Variants in RPS6KA5 observed in about 807,000 individuals in gnomAD.
The protein encoded by RPS6KA5 is ribosomal protein S6 kinase A5, also known as ribosomal protein S6 kinase alpha-5.
In RPS6KA5, 27 loss-of-function variants were observed where a neutral mutation model predicts 85.5. That is an observed-to-expected ratio of 0.32 (90% CI 0.23 to 0.44). The LOEUF (loss-of-function observed/expected upper bound fraction) is 0.44, where lower values mean the gene tolerates loss of function less well. Among genes scored for constraint, RPS6KA5 ranks in the 20% least tolerant of loss-of-function variants. The probability of loss-of-function intolerance (pLI) is 1.00; values close to 1 mark genes in which losing one functional copy is unlikely to be tolerated. For synonymous variants in RPS6KA5, 334 were observed against 348.2 expected (o/e 0.96, Z 0.46); for missense variants, 811 against 980.9 (o/e 0.83, Z 2.31).
rs370910101 is a variant in RPS6KA5, at chr14:91,048,373, C to T, written c.103+11959G>A. Among the ~76,000 whole-genome samples, 43 of 152,222 alleles carry T rather than the reference C, an allele frequency of 2.8e-4. No homozygotes were observed. The South Asian group carries it at 8.7e-3, about 31-fold the overall frequency. ...CACACTGACTATATAAAAAGAAGCA[C>T]ACCTACACAAAAACTTGAGTGTGAA... On this transcript the variant is annotated intron_variant, in intron 1 of 16. Coordinates refer to ENST00000614987, the MANE Select transcript of RPS6KA5 (RefSeq NM_004755.4).
intron 2 of RPS6KA5, among the ~76,000 whole-genome samples, chr14:90,998,829 T>C (rs1449835295): frequency 6.6e-6 from 1 of 152,162 alleles, no homozygotes; most frequent in Non-Finnish European, 1.5e-5. Flanking sequence ...TGGGCCTATA[T>C]GGCATGCTAA....
intron 14 of RPS6KA5, among the ~76,000 whole-genome samples, chr14:90,890,186 T>C (rs1162730122): frequency 6.6e-6 from 1 of 152,230 alleles, no homozygotes; most frequent in African/African-American, 2.4e-5. Flanking sequence ...TATTTTCACA[T>C]TATGTCCAAT....
intron 1 of RPS6KA5, among the ~76,000 whole-genome samples, chr14:91,033,116 G>A (rs1485952114): frequency 6.6e-6 from 1 of 151,808 alleles, no homozygotes; most frequent in Non-Finnish European, 1.5e-5. Flanking sequence ...GAACCTGGGA[G>A]GTGGAGCTTG....
chr14:90,936,179 T>A (rs1021487018), intron 5 of RPS6KA5, among the ~76,000 whole-genome samples: 1 of 152,218 alleles, frequency 6.6e-6, no homozygotes, highest in Non-Finnish European at 1.5e-5. Flanking sequence ...ACAGTAAAAG[T>A]AGCAAATTTT....
intron 5 of RPS6KA5, among the ~76,000 whole-genome samples, chr14:90,934,136 A>T (rs1283971054): frequency 6.6e-6 from 1 of 152,220 alleles, no homozygotes; most frequent in Non-Finnish European, 1.5e-5. Flanking sequence ...CTCCCCGTGT[A>T]AAGGAAGAAT....
intron 3 of RPS6KA5, among the ~76,000 whole-genome samples, chr14:90,975,110 C>T (rs1201406505): frequency 6.6e-6 from 1 of 151,794 alleles, no homozygotes; most frequent in East Asian, 1.9e-4. Context: ...TTTTTATTTT[C>T]TTATTTTTGC....
In RPS6KA5 at chr14:90,861,014, C is replaced by T. The variant is rs149990191; in HGVS notation, c.*11060G>A. ...TCAAGCGTTTCTCCTGCCTCAGCCTCCCAAGTAGCTAGGATTACAGGCATG... is the reference window on the plus strand; with the variant it reads ...TCAAGCGTTTCTCCTGCCTCAGCCTTCCAAGTAGCTAGGATTACAGGCATG... On this transcript the variant is annotated 3_prime_UTR_variant, in exon 17 of 17. Transcript: ENST00000614987. 0.024 allele frequency: 3,694 copies of T among 151,272 alleles called. 75 individuals carry two copies. Among genetic ancestry groups the T allele is most frequent in the Non-Finnish European group, 0.038 (2,614 of 67,920 alleles). The allele number at this position is 151,272 out of a possible 1,614,324, so 9.4% of individuals were successfully genotyped here.
At position 91,013,762 on chromosome 14, in the gene RPS6KA5, T is replaced by G. The variant is rs77444725; in HGVS notation, c.104-12603A>C. Among the ~76,000 whole-genome samples the G allele has an allele frequency of 3.7e-3, 570 of 152,284 alleles. 38 individuals carry two copies. The East Asian group carries it at 0.094, about 25-fold the overall frequency. ...AGAAAGACCAGCAGCAGCAGCAGCG[T>G]GGAAAACAAACTAGAAAGGAATTGA... On this transcript the variant is annotated intron_variant, in intron 1 of 16. Transcript: ENST00000614987.
chr14:90,850,360 C>T lies in RPS6KA5; in HGVS notation c.*21714G>A, dbSNP rs1305476551. ...ACATCCTTTCCCTTCTTGCTCCCTC[C>T]CATAAATACTAAATGGAAGAAGACA... On this transcript the variant is annotated 3_prime_UTR_variant, in exon 17 of 17. Transcript: ENST00000614987. The T allele has an allele frequency of 6.6e-6, 1 of 151,704 alleles. No homozygotes were observed. Among genetic ancestry groups the T allele is most frequent in the Non-Finnish European group, 1.5e-5 (1 of 67,976 alleles). The allele number at this position is 151,704 out of a possible 1,614,324, so 9.4% of individuals were successfully genotyped here.
chr14:90,993,417 G>T (rs1196386207), intron 2 of RPS6KA5, among the ~76,000 whole-genome samples: 4 of 152,120 alleles, frequency 2.6e-5, no homozygotes, highest in African/African-American at 9.7e-5. Context: ...TCCAGCCTGG[G>T]TGACAGAGCA....
chr14:90,996,908 G>A (rs1399690528), intron 2 of RPS6KA5, among the ~76,000 whole-genome samples: 2 of 152,078 alleles, frequency 1.3e-5, no homozygotes, highest in Admixed American at 6.5e-5. Context: ...AACCCACTAA[G>A]AAAATTTGTT....
chr14:91,008,980 T>C (rs2041145460), intron 1 of RPS6KA5, among the ~76,000 whole-genome samples: 1 of 152,240 alleles, frequency 6.6e-6, no homozygotes, highest in Admixed American at 6.5e-5. Flanking sequence ...AGAATCACTG[T>C]AATGCTCAGT....
chr14:90,872,255 C>A lies in RPS6KA5; in HGVS notation c.2228G>T (p.Arg743Ile). The A allele has an allele frequency of 1.9e-6, 3 of 1,613,992 alleles. No individual in the cohort carries two copies. The highest frequency in any genetic ancestry group is 2.5e-6 in the Non-Finnish European group (3 of 1,179,996). Reference sequence around the variant, plus strand: ...GGTGCTAGTCTTTTTCATTTTTCTTCTCTTAGCCAAAGGGGCCTTATCAAC... The same window carrying A: ...GGTGCTAGTCTTTTTCATTTTTCTTATCTTAGCCAAAGGGGCCTTATCAAC... ...QNVDKAPLAK[R>I]RKMKKTSTST... Residue 743 changes from arginine to isoleucine, a missense_variant, in exon 17 of 17, where the codon AGA becomes ATA. By Grantham distance (97) the Arg-to-Ile change is moderately conservative. Transcript: ENST00000614987.
intron 3 of RPS6KA5, among the ~76,000 whole-genome samples, chr14:90,970,553 C>A (rs188644622): frequency 2.0e-5 from 3 of 152,182 alleles, no homozygotes; most frequent in Non-Finnish European, 4.4e-5. Context: ...CTTGTGAATT[C>A]TGATTAATGT....
rs561444904 is a variant in RPS6KA5, at chr14:90,863,900, T to C, written c.*8174A>G. The stretch of plus-strand genomic sequence containing the variant: ...TAACAAGGTGATTCTAAAATGTATA[T>C]GGAAATGCAAAGGATTAAGAATAGC... On this transcript the variant is annotated 3_prime_UTR_variant, in exon 17 of 17. Transcript: ENST00000614987. 1 of 152,202 alleles carries C rather than the reference T, an allele frequency of 6.6e-6. No homozygotes were observed. Among genetic ancestry groups the C allele is most frequent in the Non-Finnish European group, 1.5e-5 (1 of 68,034 alleles). The allele number at this position is 152,202 out of a possible 1,614,324, so 9.4% of individuals were successfully genotyped here.
intron 13 of RPS6KA5, 38 bp downstream of exon 13, chr14:90,894,375 C>G (rs971297306): frequency 1.3e-6 from 2 of 1,596,440 alleles, no homozygotes; most frequent in African/African-American, 2.7e-5. Flanking sequence ...AATAATGGTG[C>G]TAGACTGAAT....
chr14:90,883,825 G>A (rs1046764862), intron 14 of RPS6KA5, among the ~76,000 whole-genome samples: 1 of 152,066 alleles, frequency 6.6e-6, no homozygotes, highest in Non-Finnish European at 1.5e-5. Flanking sequence ...TTTTTTGATT[G>A]TTATAGGCTG....
chr14:90,957,629 TA>T (rs1555368255), intron 3 of RPS6KA5, among the ~76,000 whole-genome samples: 1 of 152,190 alleles, frequency 6.6e-6, no homozygotes, highest in Non-Finnish European at 1.5e-5. Context: ...CTCTGGAGCA[TA>T]AATTACTCCA....
At chr14:90,887,804 A>AAT (rs1227829607) in intron 14 of RPS6KA5, among the ~76,000 whole-genome samples, 1 of 151,248 alleles carries the variant, frequency 6.6e-6, no homozygotes, top group Non-Finnish European at 1.5e-5. Flanking sequence ...TTAAAAAAAA[A>AAT]AAAAAAATTA....
Sources: gnomAD v4.1 joint callset for allele counts (sites outside exome capture counted in the v4.1 genomes callset) on GRCh38, gnomAD v4.1.1 for gene constraint, MANE v1.5 for transcripts, NCBI Gene and HGNC (gene_info 2026-07-23, HGNC 2026-07-21) for gene names.